The following HMCN2 variants were observed in gnomAD, a reference collection of about 807,000 sequenced individuals.
HMCN2 encodes hemicentin 2, also known as hemicentin-2.
HMCN2 carries 325 observed loss-of-function variants against 377.5 expected under a neutral mutation model. The ratio of observed to expected loss-of-function variants is 0.86; its 90% CI spans 0.79 to 0.94. The LOEUF (loss-of-function observed/expected upper bound fraction) is 0.94. HMCN2 is among the 40% of genes least tolerant of loss of function. The pLI is 0.00. For missense variants in HMCN2, 4,543 were observed against 4,725.3 expected (o/e 0.96, Z 1.13); for synonymous variants, 2,007 against 2,046.8 (o/e 0.98, Z 0.53).
Position 130,407,619 on chromosome 9 carries a change from T to A in HMCN2, c.12602T>A (p.Val4201Asp). Residue 4201 changes from valine (V) to aspartate (D), a missense_variant, in exon 83 of 98, where the codon GTC becomes GAC. Val to Asp is a radical substitution (Grantham distance 152, BLOSUM62 -3). Coordinates refer to ENST00000683500, the MANE Select transcript of HMCN2 (RefSeq NM_001291815.2). Reference protein sequence around the residue: ...DGGSTLQRAAVSREDSGTYVC... With the variant: ...DGGSTLQRAADSREDSGTYVC... ...GGCAGCACGCTGCAGCGGGCCGCTGTCTCCAGAGAAGACAGCGGGACCTAT... is the reference window on the plus strand; with the variant it reads ...GGCAGCACGCTGCAGCGGGCCGCTGACTCCAGAGAAGACAGCGGGACCTAT... The A allele has an allele frequency of 8.5e-6, 11 of 1,288,382 alleles. No homozygotes were observed. Among genetic ancestry groups the A allele is most frequent in the Non-Finnish European group, 1.0e-5 (10 of 988,062 alleles). The allele number at this position is 1,288,382 out of a possible 1,614,324, so 79.8% of individuals were successfully genotyped here.
At position 130,362,935 on chromosome 9, in the gene HMCN2, C is replaced by T. The variant is rs879639004; in HGVS notation, c.6177C>T (p.Cys2059=). Residue 2059 remains cysteine, a synonymous_variant, in exon 40 of 98, where the codon TGC becomes TGT. Coordinates refer to ENST00000683500, the MANE Select transcript of HMCN2 (RefSeq NM_001291815.2). Reference sequence around the variant, plus strand: ...CCTCCGACTCTGGGAGGTACTCCTGCGTGGCTGTGAGCGCGGTGGGCGAGG... The same window carrying T: ...CCTCCGACTCTGGGAGGTACTCCTGTGTGGCTGTGAGCGCGGTGGGCGAGG... ...ARASDSGRYS[C]VAVSAVGEDR... is the part of the protein sequence containing the mutation. The T allele has an allele frequency of 3.4e-5, 34 of 985,906 alleles. No individual in the cohort carries two copies. The highest frequency in any genetic ancestry group is 3.7e-5 in the Non-Finnish European group (31 of 829,986). The allele number at this position is 985,906 out of a possible 1,614,324, so 61.1% of individuals were successfully genotyped here.
intron 30 of HMCN2, among the ~76,000 whole-genome samples, chr9:130,352,349 G>A (rs1463798888): frequency 6.6e-6 from 1 of 152,262 alleles, no homozygotes; most frequent in Non-Finnish European, 1.5e-5. Context: ...AGGGCACCCA[G>A]CCTGCATCTG....
At chr9:130,389,024 G>C (rs990574220) in intron 62 of HMCN2, among the ~76,000 whole-genome samples, 3 of 152,172 alleles carry the variant, frequency 2.0e-5, no homozygotes, top group African/African-American at 7.2e-5. Context: ...AGCCCCACAT[G>C]GTCTCCTGGG....
chr9:130,270,467 TG>T lies in HMCN2; in HGVS notation c.259+4334del, dbSNP rs538464592. Among the ~76,000 whole-genome samples the T allele has an allele frequency of 1.6e-4, 24 of 148,078 alleles. No individual in the cohort carries two copies. In the East Asian group the frequency reaches 4.3e-3, roughly 26 times the overall value. ...TTGTAATGCCAGTACTTTGGGAGGC[TG>T]GGGTGTGAGGATTGCTTGAGCCCAG... On this transcript the variant is annotated intron_variant, in intron 1 of 97. Coordinates refer to ENST00000683500, the MANE Select transcript of HMCN2 (RefSeq NM_001291815.2).
At chr9:130,271,601 G>A (rs2131217290) in intron 1 of HMCN2, among the ~76,000 whole-genome samples, 1 of 148,900 alleles carries the variant, frequency 6.7e-6, no homozygotes, top group South Asian at 2.2e-4. Context: ...TTTTGTTTTT[G>A]TTTTCGTTTT....
Position 130,424,916 on chromosome 9 carries a change from A to G in HMCN2, c.13519+3A>G. On this transcript the variant is annotated splice_donor_region_variant and intron_variant, in intron 88 of 97. Transcript: ENST00000683500. ...GTCACACGTGGAGTTTGCTACAGGT[A>G]AACAGGGCCTCCCCCAGGTGGGCCA... 6.8e-7 allele frequency: 1 copy of G among 1,461,654 alleles called. No individual in the cohort carries two copies. Among genetic ancestry groups the G allele is most frequent in the Non-Finnish European group, 9.1e-7 (1 of 1,100,784 alleles). 90.5% of individuals were successfully genotyped at this position (1,461,654 alleles called of 1,614,324 possible). A position where few individuals can be genotyped will look rare whatever the true frequency, so the allele number is the denominator to read the frequency against.
At chr9:130,284,084 A>C (rs539713866) in intron 1 of HMCN2, among the ~76,000 whole-genome samples, 2 of 152,220 alleles carry the variant, frequency 1.3e-5, no homozygotes, top group Admixed American at 1.3e-4. Context: ...GAGTGCAGTC[A>C]ATCTTTGTCA....
intron 65 of HMCN2, 81 bp downstream of exon 65, chr9:130,391,655 CTG>C: frequency 2.0e-6 from 2 of 979,314 alleles, no homozygotes; most frequent in Non-Finnish European, 2.4e-6. Flanking sequence ...AAAGCCCACA[CTG>C]TGTCCTGGGC....
At chr9:130,289,343 G>C (rs1027846876) in intron 4 of HMCN2, among the ~76,000 whole-genome samples, 8 of 152,280 alleles carry the variant, frequency 5.3e-5, no homozygotes, top group East Asian at 1.9e-4. Flanking sequence ...CGGAAGATGG[G>C]GGGGTGAGGG....
Position 130,308,374 on chromosome 9 carries a change from T to A in HMCN2, c.2200+808T>A, listed in dbSNP as rs2131358363. ...GACAGCAATAATGACAGGGTTGTCC[T>A]GAGGCCCTGAGGTCATGGGCAGAGC... On this transcript the variant is annotated intron_variant, in intron 14 of 97. Coordinates refer to ENST00000683500, the MANE Select transcript of HMCN2 (RefSeq NM_001291815.2). The surrounding 1 kb of genome is among the most constrained non-coding windows in gnomAD (Gnocchi z 4.1). Among the ~76,000 whole-genome samples, 1 of 152,346 alleles carries A rather than the reference T, an allele frequency of 6.6e-6. No individual in the cohort carries two copies. The highest frequency in any genetic ancestry group is 1.5e-5 in the Non-Finnish European group (1 of 68,040).
At chr9:130,388,675 C>G (rs1042901081) in intron 62 of HMCN2, 135 bp downstream of exon 62, 5 of 366,734 alleles carry the variant, frequency 1.4e-5, no homozygotes, top group African/African-American at 1.2e-4. Flanking sequence ...CCGTGTTGCC[C>G]CCCCCCCCAC....
At chr9:130,378,685 G>A (rs1037518770) in intron 53 of HMCN2, among the ~76,000 whole-genome samples, 8 of 152,120 alleles carry the variant, frequency 5.3e-5, no homozygotes, top group African/African-American at 1.9e-4. Context: ...TGCCCATGGA[G>A]TGTCCTGGCA....
At chr9:130,406,736 C>T (rs1006727983) in intron 82 of HMCN2, 1 of 157,228 alleles carries the variant, frequency 6.4e-6, no homozygotes, top group Non-Finnish European at 1.4e-5. Context: ...CCACCACTTC[C>T]TGGGGAGGGA....
intron 84 of HMCN2, 84 bp from the exon 85 acceptor site, chr9:130,410,487 C>A: frequency 1.6e-6 from 2 of 1,285,426 alleles, no homozygotes; most frequent in Non-Finnish European, 2.2e-6. Flanking sequence ...TGCTGGCTGG[C>A]TGCCCTCAGT....
Position 130,405,764 on chromosome 9 carries a change from A to G in HMCN2, c.12340-191A>G, listed in dbSNP as rs75396093. On this transcript the variant is annotated intron_variant, in intron 81 of 97. Transcript: ENST00000683500. ...CAGGGCTGGGGTTATGAAGCAGTAG[A>G]GCATGTGAATGCTGCAGGGCTGGGC... 1.4e-4 allele frequency among the ~76,000 whole-genome samples: 22 copies of G among 152,244 alleles called. 2 individuals carry two copies. In the East Asian group the frequency reaches 4.2e-3, roughly 29 times the overall value.
At chr9:130,332,026 AT>A (rs1178331439) in intron 22 of HMCN2, among the ~76,000 whole-genome samples, 2 of 152,126 alleles carry the variant, frequency 1.3e-5, no homozygotes, top group African/African-American at 2.4e-5. Context: ...GGGCCGGCTC[AT>A]TAGAGGTGAG....
intron 22 of HMCN2, among the ~76,000 whole-genome samples, chr9:130,328,209 C>A (rs1838248870): frequency 6.6e-6 from 1 of 152,236 alleles, no homozygotes; most frequent in African/African-American, 2.4e-5. Context: ...ATCCTTGCAG[C>A]CGGGCACCCC....
chr9:130,322,131 T>G (rs944163288), intron 19 of HMCN2, among the ~76,000 whole-genome samples, 200 bp downstream of exon 19: 101 of 152,260 alleles, frequency 6.6e-4, no homozygotes, highest in African/African-American at 2.3e-3. Flanking sequence ...TAACCAGATT[T>G]TGCATTTTGG....
At position 130,428,523 on chromosome 9, in the gene HMCN2, TC is replaced by T; in HGVS notation, c.14197+36del. The T allele has an allele frequency of 6.5e-7, 1 of 1,534,596 alleles. No individual in the cohort carries two copies. Among genetic ancestry groups the T allele is most frequent in the East Asian group, 2.4e-5 (1 of 40,856 alleles). On this transcript the variant is annotated intron_variant, in intron 93 of 97. Transcript: ENST00000683500. This position sits in a 1 kb window ranked among gnomAD's most constrained non-coding sequence, Gnocchi z 5.0. The stretch of plus-strand genomic sequence containing the variant: ...GGCACAGCATGCGGCCTGTCCATAC[TC>T]CTGGAAACCCAGAGGTTGCCAGGGA...
Sources: allele counts gnomAD v4.1 joint callset (sites outside exome capture counted in the v4.1 genomes callset), GRCh38; gene constraint gnomAD v4.1.1; non-coding constraint Gnocchi (gnomAD v3.1); transcripts MANE v1.5; gene names NCBI Gene and HGNC (gene_info 2026-07-23, HGNC 2026-07-21).